Variants in ABTB3 observed in about 807,000 individuals in gnomAD.
The protein encoded by ABTB3 is ankyrin repeat and BTB domain containing 3, also known as ankyrin repeat- and BTB/POZ domain-containing protein 3.
the ABTB3 span, among the ~76,000 whole-genome samples, chr12:107,607,602 AG>A: frequency 2.0e-5 from 3 of 152,158 alleles, no homozygotes; most frequent in Non-Finnish European, 2.9e-5. Context: ...CCTGACGTTT[AG>A]GTCCTGAGAC....
the ABTB3 span, among the ~76,000 whole-genome samples, chr12:107,605,941 C>T: frequency 6.6e-6 from 1 of 152,166 alleles, no homozygotes; most frequent in Admixed American, 6.5e-5. Flanking sequence ...GTGCTGTTTA[C>T]TGAGATGGGA....
At chr12:107,508,438 C>CTTTTTTTTTTTTTTTTT in the ABTB3 span, among the ~76,000 whole-genome samples, 35 of 69,166 alleles carry the variant, frequency 5.1e-4, 5 homozygotes, top group East Asian at 2.1e-3. Context: ...AAGATCATTT[C>CTTTTTTTTTTTTTTTTT]TTTTTTTTTT....
the ABTB3 span, among the ~76,000 whole-genome samples, chr12:107,579,534 T>C: frequency 6.6e-6 from 1 of 152,180 alleles, no homozygotes; most frequent in Non-Finnish European, 1.5e-5. Flanking sequence ...TCAATGTAAA[T>C]GGCTGAGCTG....
At chr12:107,425,143 G>A in the ABTB3 span, among the ~76,000 whole-genome samples, 3 of 152,094 alleles carry the variant, frequency 2.0e-5, no homozygotes, top group Non-Finnish European at 2.9e-5. Flanking sequence ...TTTATCTCTC[G>A]ACAGTCCACG....
At chr12:107,651,466 C>T in the ABTB3 span, among the ~76,000 whole-genome samples, 1 of 152,090 alleles carries the variant, frequency 6.6e-6, no homozygotes, top group South Asian at 2.1e-4. Flanking sequence ...CCTCCCCTCC[C>T]CCTCCCGCTC....
At chr12:107,560,642 C>T in the ABTB3 span, among the ~76,000 whole-genome samples, 1 of 152,144 alleles carries the variant, frequency 6.6e-6, no homozygotes, top group Non-Finnish European at 1.5e-5. Flanking sequence ...AGATTTGCCC[C>T]AAGTTATGCA....
the ABTB3 span, among the ~76,000 whole-genome samples, chr12:107,458,525 G>T: frequency 6.6e-6 from 1 of 152,252 alleles, no homozygotes; most frequent in South Asian, 2.1e-4. Context: ...GGCATGGTGG[G>T]GCCAATGGGG....
the ABTB3 span, among the ~76,000 whole-genome samples, chr12:107,336,730 T>A: frequency 1.3e-5 from 2 of 152,256 alleles, no homozygotes; most frequent in African/African-American, 4.8e-5. Context: ...AGTAGGCACT[T>A]CAACATACTG....
At chr12:107,572,666 T>C in the ABTB3 span, among the ~76,000 whole-genome samples, 1 of 151,912 alleles carries the variant, frequency 6.6e-6, no homozygotes, top group Admixed American at 6.6e-5. Context: ...AGAGAGGAGA[T>C]GGTGGTTGAA....
the ABTB3 span, among the ~76,000 whole-genome samples, chr12:107,445,858 A>C: frequency 2.3e-5 from 3 of 130,700 alleles, no homozygotes; most frequent in Admixed American, 8.4e-5. Context: ...AAACATCTCC[A>C]AATCTCCCTC....
the ABTB3 span, among the ~76,000 whole-genome samples, chr12:107,548,424 C>T: frequency 6.6e-6 from 1 of 152,240 alleles, no homozygotes; most frequent in African/African-American, 2.4e-5. Context: ...TCAGAACAGC[C>T]TTTCTTGGCT....
the ABTB3 span, chr12:107,635,477 G>T: frequency 3.8e-6 from 5 of 1,318,354 alleles, no homozygotes; most frequent in Non-Finnish European, 5.3e-6. Context: ...ATGCCAGGAG[G>T]GAGGGGGTTC....
At chr12:107,620,936 G>T in the ABTB3 span, among the ~76,000 whole-genome samples, 3 of 152,198 alleles carry the variant, frequency 2.0e-5, no homozygotes, top group African/African-American at 7.2e-5. Context: ...AACAGCCTTT[G>T]TGGAACTCTG....
At chr12:107,609,325 A>G in the ABTB3 span, among the ~76,000 whole-genome samples, 2 of 152,202 alleles carry the variant, frequency 1.3e-5, no homozygotes, top group Admixed American at 6.5e-5. Flanking sequence ...TAATTGATTG[A>G]TCAGTTCATT....
At chr12:107,502,809 G>C in the ABTB3 span, among the ~76,000 whole-genome samples, 4 of 152,166 alleles carry the variant, frequency 2.6e-5, no homozygotes, top group Non-Finnish European at 4.4e-5. Context: ...TCTAATGCCT[G>C]ATGATTTGAG....
At chr12:107,506,896 G>T in the ABTB3 span, among the ~76,000 whole-genome samples, 1 of 152,198 alleles carries the variant, frequency 6.6e-6, no homozygotes, top group East Asian at 1.9e-4. Flanking sequence ...AATAATAGGG[G>T]TTACCTCTGG....
At chr12:107,393,339 G>C in the ABTB3 span, among the ~76,000 whole-genome samples, 1 of 125,604 alleles carries the variant, frequency 8.0e-6, no homozygotes, top group South Asian at 2.8e-4. Context: ...CAGGCAGGGT[G>C]GGGGTGGGGG....
At chr12:107,318,798 A>G in the ABTB3 span, 4 of 934,060 alleles carry the variant, frequency 4.3e-6, no homozygotes, top group East Asian at 1.1e-4. Context: ...AGCCGAAAGT[A>G]CTAACAGTTG....
chr12:107,465,647 G>C, the ABTB3 span, among the ~76,000 whole-genome samples: 1 of 152,146 alleles, frequency 6.6e-6, no homozygotes, highest in Admixed American at 6.5e-5. Flanking sequence ...ATACCAGGAA[G>C]GTCAAGTTCA....
Sources: allele counts gnomAD v4.1 joint callset (sites outside exome capture counted in the v4.1 genomes callset), GRCh38; gene constraint gnomAD v4.1.1; transcripts MANE v1.5; gene names NCBI Gene and HGNC (gene_info 2026-07-23, HGNC 2026-07-21).